The following GPD1L variants were observed in gnomAD, a reference collection of about 807,000 sequenced individuals.
GPD1L encodes glycerol-3-phosphate dehydrogenase 1-like protein.
GPD1L carries 17 observed loss-of-function variants against 32.9 expected under a neutral mutation model. The observed-to-expected ratio is 0.52, with a 90% CI of 0.35 to 0.78. The LOEUF (loss-of-function observed/expected upper bound fraction) is 0.78, where lower values mean the gene tolerates loss of function less well. Among genes scored for constraint, GPD1L ranks in the 30% least tolerant of loss-of-function variants. The pLI, the probability that GPD1L is intolerant of heterozygous loss-of-function variation, is 0.01. For missense variants in GPD1L, 361 were observed against 447.8 expected (o/e 0.81, Z 1.75); for synonymous variants, 187 against 165.9 (o/e 1.13, Z -0.98).
Position 32,166,345 on chromosome 3 carries a change from AGT to A in GPD1L, c.*440_*441del. 8.5e-6 allele frequency: 2 copies of A among 235,844 alleles called. No individual in the cohort carries two copies. The highest frequency in any genetic ancestry group is 1.1e-4 in the South Asian group (2 of 18,298). The allele number at this position is 235,844 out of a possible 1,614,324, so 14.6% of individuals were successfully genotyped here. On this transcript the variant is annotated 3_prime_UTR_variant, in exon 8 of 8. Transcript: ENST00000282541. ...ATTAACATGGTAGAGTGGAGGAGTG[AGT>A]GTGTTCAAAGATCAACATATTTAAC... is the stretch of plus-strand genomic sequence containing the variant.
At chr3:32,126,693 A>G (rs1309843921) in intron 1 of GPD1L, among the ~76,000 whole-genome samples, 1 of 152,220 alleles carries the variant, frequency 6.6e-6, no homozygotes, top group Non-Finnish European at 1.5e-5. Flanking sequence ...ACAGCTGCAT[A>G]GCCTTGATAT....
Position 32,166,062 on chromosome 3 carries a change from G to A in GPD1L, c.*152G>A. ...ACAGGTTCGTTTTTGAATTGTGAGAGGCAGTTCATTAGCAAAGATGTACTG... is the reference window on the plus strand; with the variant it reads ...ACAGGTTCGTTTTTGAATTGTGAGAAGCAGTTCATTAGCAAAGATGTACTG... On this transcript the variant is annotated 3_prime_UTR_variant, in exon 8 of 8. Transcript: ENST00000282541. 5 of 686,396 alleles carry A rather than the reference G, an allele frequency of 7.3e-6. No individual in the cohort carries two copies. In the South Asian group the frequency reaches 8.0e-5, roughly 11 times the overall value. The allele number at this position is 686,396 out of a possible 1,614,324, so 42.5% of individuals were successfully genotyped here. A position where few individuals can be genotyped will look rare whatever the true frequency, so the allele number is the denominator to read the frequency against.
At chr3:32,121,822 G>C (rs1700427435) in intron 1 of GPD1L, among the ~76,000 whole-genome samples, 1 of 148,516 alleles carries the variant, frequency 6.7e-6, no homozygotes. Context: ...CGAGGCTGGA[G>C]TGCAGTGGTG....
chr3:32,138,529 T>G (rs1700697273), intron 2 of GPD1L, 58 bp from the exon 3 acceptor site: 2 of 1,537,766 alleles, frequency 1.3e-6, no homozygotes, highest in African/African-American at 2.7e-5. Flanking sequence ...TGAAACCTTG[T>G]GGACAGGCAA....
chr3:32,140,251 G>A lies in GPD1L; in HGVS notation c.390G>A (p.Gly130=). The change falls in exon 4 of 8, where the codon GGG becomes GGA. Residue 130 remains glycine (G), a synonymous_variant. Transcript: ENST00000282541. The stretch of plus-strand genomic sequence containing the variant: ...AGGGCATAGACGAGGGCCCCGAGGG[G>A]CTGAAGCTCATTTCTGACATCATCC... ...LIKGIDEGPE[G]LKLISDIIRE... is the part of the protein sequence containing the mutation. 1.2e-6 allele frequency: 2 copies of A among 1,614,052 alleles called. No individual in the cohort carries two copies. Among genetic ancestry groups the A allele is most frequent in the Non-Finnish European group, 1.7e-6 (2 of 1,179,988 alleles).
At chr3:32,125,519 C>T (rs1194196325) in intron 1 of GPD1L, among the ~76,000 whole-genome samples, 2 of 152,022 alleles carry the variant, frequency 1.3e-5, no homozygotes, top group African/African-American at 4.8e-5. Context: ...CTCCCTGCAC[C>T]CTGGGTTGGG....
chr3:32,141,143 T>G (rs1304903055), intron 4 of GPD1L, among the ~76,000 whole-genome samples: 2 of 152,226 alleles, frequency 1.3e-5, no homozygotes, highest in Admixed American at 1.3e-4. Context: ...CATTTCCCCT[T>G]GGCAGCTTTG....
chr3:32,140,134 C>T, intron 3 of GPD1L, 94 bp from the exon 4 acceptor site: 1 of 1,284,660 alleles, frequency 7.8e-7, no homozygotes, highest in Non-Finnish European at 1.1e-6. Flanking sequence ...AAGTAGGAGA[C>T]ATTTTTCAAG....
chr3:32,123,427 G>C (rs1246050281), intron 1 of GPD1L, among the ~76,000 whole-genome samples: 1 of 152,130 alleles, frequency 6.6e-6, no homozygotes, highest in Admixed American at 6.5e-5. Context: ...ACTGCAGCGA[G>C]ACATTCTGCA....
chr3:32,114,559 A>G (rs35175996), intron 1 of GPD1L, among the ~76,000 whole-genome samples: 62,835 of 152,144 alleles, frequency 0.41, 14,736 homozygotes, highest in East Asian at 0.64. Flanking sequence ...TCTTCTCCTT[A>G]TATTTATTTT....
intron 1 of GPD1L, among the ~76,000 whole-genome samples, chr3:32,109,522 G>A (rs1700217396): frequency 6.6e-6 from 1 of 152,234 alleles, no homozygotes; most frequent in Non-Finnish European, 1.5e-5. Context: ...GAAATGTGCT[G>A]ATGGTTTGGG....
chr3:32,147,419 T>C (rs1040191302), intron 5 of GPD1L, among the ~76,000 whole-genome samples: 11 of 152,236 alleles, frequency 7.2e-5, no homozygotes, highest in Admixed American at 2.6e-4. Context: ...GTTATCTTTT[T>C]TTCCCCTCTT....
chr3:32,149,032 A>G (rs1337149918), intron 5 of GPD1L, among the ~76,000 whole-genome samples: 1 of 152,166 alleles, frequency 6.6e-6, no homozygotes, highest in Non-Finnish European at 1.5e-5. Context: ...ACTAGATATT[A>G]GTGTTCAAGT....
chr3:32,127,939 C>CT, intron 1 of GPD1L, 137 bp from the exon 2 acceptor site: 1 of 708,522 alleles, frequency 1.4e-6, no homozygotes, highest in Non-Finnish European at 2.5e-6. Context: ...TGGCTTGGGG[C>CT]TGATACACGT....
At chr3:32,115,081 C>A (rs1575106888) in intron 1 of GPD1L, among the ~76,000 whole-genome samples, 1 of 152,214 alleles carries the variant, frequency 6.6e-6, no homozygotes, top group Non-Finnish European at 1.5e-5. Flanking sequence ...GCTGGGGTGG[C>A]CAGCTTCTAT....
rs1209191501 is a variant in GPD1L, at chr3:32,167,481, C to G, written c.*1571C>G. 1 of 152,626 alleles carries G rather than the reference C, an allele frequency of 6.6e-6. No homozygotes were observed. The highest frequency in any genetic ancestry group is 2.4e-5 in the African/African-American group (1 of 41,452). The allele number at this position is 152,626 out of a possible 1,614,324, so 9.5% of individuals were successfully genotyped here. ...TCTGAACTTTTACAGTTCAGGCCTGCTGTGAATCTTTGATGAAGCTTTAAG... is the reference window on the plus strand; with the variant it reads ...TCTGAACTTTTACAGTTCAGGCCTGGTGTGAATCTTTGATGAAGCTTTAAG... On this transcript the variant is annotated 3_prime_UTR_variant, in exon 8 of 8. Coordinates refer to ENST00000282541, the MANE Select transcript of GPD1L (RefSeq NM_015141.4).
At chr3:32,119,516 T>C (rs1228166411) in intron 1 of GPD1L, among the ~76,000 whole-genome samples, 1 of 152,226 alleles carries the variant, frequency 6.6e-6, no homozygotes, top group African/African-American at 2.4e-5. Context: ...GTTTCTTTCT[T>C]TGATTTTAAG....
In GPD1L at chr3:32,147,910, TA is replaced by T. The variant is rs202143869; in HGVS notation, c.618+1183del. Among the ~76,000 whole-genome samples the T allele has an allele frequency of 6.6e-3, 998 of 152,292 alleles. 10 individuals carry two copies. Among genetic ancestry groups the T allele is most frequent in the African/African-American group, 0.023 (943 of 41,558 alleles). ...GTGGTCATGATATATAATGAGCATT[TA>T]AAAAAATTAAAGCCAATTAAAGGCC... On this transcript the variant is annotated intron_variant, in intron 5 of 7. Transcript: ENST00000282541.
chr3:32,155,142 G>A (rs1020098142), intron 5 of GPD1L, among the ~76,000 whole-genome samples: 3 of 152,158 alleles, frequency 2.0e-5, no homozygotes, highest in African/African-American at 7.2e-5. Context: ...GTTGGAGGAA[G>A]GGCAGATTTC....
Sources: gnomAD v4.1 joint callset for allele counts (sites outside exome capture counted in the v4.1 genomes callset) on GRCh38, gnomAD v4.1.1 for gene constraint, MANE v1.5 for transcripts, NCBI Gene and HGNC (gene_info 2026-07-23, HGNC 2026-07-21) for gene names.